The following KIRREL1 variants were observed in gnomAD, a reference collection of about 807,000 sequenced individuals.
KIRREL1 encodes kin of IRRE-like protein 1.
In KIRREL1, 25 loss-of-function variants were observed where a neutral mutation model predicts 83.3. That is an observed-to-expected ratio of 0.30 (90% CI 0.22 to 0.42). KIRREL1 has a LOEUF of 0.42. Ranked by LOEUF, KIRREL1 falls within the 10% of genes least tolerant of loss-of-function variation. KIRREL1 has a pLI of 1.00. For synonymous variants in KIRREL1, 388 were observed against 410.4 expected (o/e 0.95, Z 0.66); for missense variants, 812 against 1,032.3 (o/e 0.79, Z 2.92).
At chr1:158,022,048 G>C (rs969842032) in intron 1 of KIRREL1, among the ~76,000 whole-genome samples, 1 of 152,034 alleles carries the variant, frequency 6.6e-6, no homozygotes, top group African/African-American at 2.4e-5. Context: ...GTGCGGTTGG[G>C]GTGGGGCTCG....
intron 1 of KIRREL1, among the ~76,000 whole-genome samples, chr1:158,009,550 G>C (rs1557986717): frequency 6.6e-6 from 1 of 152,176 alleles, no homozygotes; most frequent in Admixed American, 6.5e-5. Flanking sequence ...TTCTTAACAA[G>C]TTTGTGAGGG....
chr1:158,006,526 G>A lies in KIRREL1; in HGVS notation c.52+12798G>A, dbSNP rs150620714. Among the ~76,000 whole-genome samples the A allele has an allele frequency of 9.2e-5, 14 of 152,338 alleles. No individual in the cohort carries two copies. In the East Asian group the frequency reaches 1.9e-3, roughly 21 times the overall value. ...TAGGCGAGACTGCCTCCTGGGCCCCGCGTGAGCCCAAGAAGTTTATCTTGT... is the reference window on the plus strand; with the variant it reads ...TAGGCGAGACTGCCTCCTGGGCCCCACGTGAGCCCAAGAAGTTTATCTTGT... On this transcript the variant is annotated intron_variant, in intron 1 of 14. Coordinates refer to ENST00000359209, the MANE Select transcript of KIRREL1 (RefSeq NM_018240.7).
chr1:158,053,924 G>A (rs1163408681), intron 1 of KIRREL1, among the ~76,000 whole-genome samples: 1 of 152,084 alleles, frequency 6.6e-6, no homozygotes, highest in Non-Finnish European at 1.5e-5. Flanking sequence ...AGAAAGTGGT[G>A]GGGATGGGCC....
chr1:158,036,905 C>CT (rs1185977929), intron 1 of KIRREL1, among the ~76,000 whole-genome samples: 1 of 152,194 alleles, frequency 6.6e-6, no homozygotes, highest in African/African-American at 2.4e-5. Context: ...GATAGCTGGG[C>CT]TGTGGGCTTT....
chr1:158,017,974 G>T (rs554259818), intron 1 of KIRREL1, among the ~76,000 whole-genome samples: 1 of 152,166 alleles, frequency 6.6e-6, no homozygotes, highest in Non-Finnish European at 1.5e-5. Context: ...TGAAGGGAAT[G>T]TGAAGGGGGA....
chr1:158,006,163 C>G (rs1659515261), intron 1 of KIRREL1, among the ~76,000 whole-genome samples: 1 of 152,312 alleles, frequency 6.6e-6, no homozygotes, highest in Non-Finnish European at 1.5e-5. Flanking sequence ...TTAAGAACCT[C>G]AAAATGGACT....
At chr1:158,030,494 C>T (rs1178251982) in intron 1 of KIRREL1, among the ~76,000 whole-genome samples, 1 of 152,158 alleles carries the variant, frequency 6.6e-6, no homozygotes, top group African/African-American at 2.4e-5. Context: ...CCCAGGGAGC[C>T]CAAAGTTCTG....
chr1:158,018,163 G>C (rs550750871), intron 1 of KIRREL1, among the ~76,000 whole-genome samples: 2 of 152,138 alleles, frequency 1.3e-5, no homozygotes, highest in South Asian at 4.2e-4. Context: ...AGGAAGAATT[G>C]GGGGGGTGGG....
intron 1 of KIRREL1, among the ~76,000 whole-genome samples, chr1:158,060,219 A>C (rs113734883): frequency 0.026 from 3,996 of 152,194 alleles, 170 homozygotes; most frequent in African/African-American, 0.091. Context: ...TGCATCCTGC[A>C]TTCCTGGGCA....
chr1:158,015,467 C>T (rs1031576333), intron 1 of KIRREL1, among the ~76,000 whole-genome samples: 1 of 152,194 alleles, frequency 6.6e-6, no homozygotes, highest in Non-Finnish European at 1.5e-5. Context: ...TAAAGAATTG[C>T]TTTTACTGAA....
chr1:158,092,574 C>T (rs1300000308), intron 11 of KIRREL1, among the ~76,000 whole-genome samples: 1 of 152,110 alleles, frequency 6.6e-6, no homozygotes, highest in Non-Finnish European at 1.5e-5. Flanking sequence ...GTCTCGATCT[C>T]CTGACCTCAT....
chr1:158,052,939 A>G (rs72711942), intron 1 of KIRREL1, among the ~76,000 whole-genome samples: 6,690 of 152,204 alleles, frequency 0.044, 211 homozygotes, highest in Non-Finnish European at 0.061. Context: ...CAAGAGAGAG[A>G]GGAGGAGGTG....
chr1:158,029,372 T>TGTGTGCGC (rs1190966368), intron 1 of KIRREL1, among the ~76,000 whole-genome samples: 1 of 149,396 alleles, frequency 6.7e-6, no homozygotes, highest in African/African-American at 2.5e-5. Flanking sequence ...TGTGTGCACG[T>TGTGTGCGC]GCGCGCGCAT....
intron 1 of KIRREL1, among the ~76,000 whole-genome samples, chr1:158,032,840 G>A (rs992677981): frequency 2.0e-5 from 3 of 151,994 alleles, no homozygotes; most frequent in East Asian, 1.9e-4. Context: ...GCACAATCTC[G>A]GCTCACTGCA....
intron 1 of KIRREL1, chr1:158,030,659 G>A (rs1178017094): frequency 6.6e-6 from 1 of 152,196 alleles, no homozygotes; most frequent in Admixed American, 6.5e-5. Flanking sequence ...CATTTATAAA[G>A]TCATTTTGCA....
chr1:158,013,877 T>G (rs1368671786), intron 1 of KIRREL1, among the ~76,000 whole-genome samples: 1 of 152,150 alleles, frequency 6.6e-6, no homozygotes, highest in East Asian at 1.9e-4. Context: ...TGTCCATTAA[T>G]TGCTAGAGGA....
At chr1:157,996,205 G>A (rs1028513192) in intron 1 of KIRREL1, among the ~76,000 whole-genome samples, 1 of 152,008 alleles carries the variant, frequency 6.6e-6, no homozygotes, top group Non-Finnish European at 1.5e-5. Context: ...ATTTCAATGG[G>A]CTTCATCAAT....
intron 1 of KIRREL1, among the ~76,000 whole-genome samples, chr1:158,056,749 A>G (rs12061312): frequency 0.2 from 30,831 of 152,168 alleles, 3,960 homozygotes; most frequent in African/African-American, 0.36. Flanking sequence ...TCACGTTTAG[A>G]TAGCACTTTA....
At chr1:158,019,310 G>C (rs1557990901) in intron 1 of KIRREL1, among the ~76,000 whole-genome samples, 1 of 152,188 alleles carries the variant, frequency 6.6e-6, no homozygotes, top group Non-Finnish European at 1.5e-5. Flanking sequence ...GAAAAAAAAG[G>C]CATTGAATTA....
Sources: allele counts gnomAD v4.1 joint callset (sites outside exome capture counted in the v4.1 genomes callset), GRCh38; gene constraint gnomAD v4.1.1; transcripts MANE v1.5; gene names NCBI Gene and HGNC (gene_info 2026-07-23, HGNC 2026-07-21).